Variants in PITPNA observed in about 807,000 individuals in gnomAD.
The protein encoded by PITPNA is phosphatidylinositol transfer protein alpha isoform.
A neutral mutation model predicts 50.3 loss-of-function variants in PITPNA; 13 were observed. The observed-to-expected ratio is 0.26, with a 90% confidence interval of 0.17 to 0.41. The LOEUF (loss-of-function observed/expected upper bound fraction) is 0.41, where lower values mean the gene tolerates loss of function less well. Among genes scored for constraint, PITPNA ranks in the 10% least tolerant of loss-of-function variants. The pLI is 1.00. For missense variants in PITPNA, 207 were observed against 333.4 expected, an observed-to-expected ratio of 0.62 and a Z score of 2.95; for synonymous variants, 120 against 119.6, an observed-to-expected ratio of 1.00 and a Z score of -0.02.
rs117216853 is a variant in PITPNA at position 1,521,393 on chromosome 17, A to G, written c.*22+186T>C. 3.7e-4 allele frequency among the ~76,000 whole-genome samples: 56 copies of G among 152,188 alleles called. No individual in the cohort carries two copies. In the East Asian group the frequency reaches 9.5e-3, roughly 26 times the overall value. On this transcript the variant is annotated intron_variant, in intron 11 of 11. Transcript: ENST00000313486. ...CTCTATCTGGGTGGTTCTTTGGAAA[A>G]TGTCCCTGAAATGTCCCAAGGGCCA...
chr17:1,530,558 A>G (rs1214613772), intron 10 of PITPNA, among the ~76,000 whole-genome samples: 1 of 152,204 alleles, frequency 6.6e-6, no homozygotes, highest in African/African-American at 2.4e-5. Context: ...TCACTCACAA[A>G]CAAAATCTGC....
chr17:1,529,227 A>G (rs2075567107), intron 10 of PITPNA, among the ~76,000 whole-genome samples: 4 of 150,156 alleles, frequency 2.7e-5, no homozygotes, highest in Admixed American at 2.0e-4. Flanking sequence ...TGCAGCTCCT[A>G]TGAAAGTTTT....
intron 6 of PITPNA, among the ~76,000 whole-genome samples, chr17:1,539,443 C>T (rs1182451866): frequency 5.3e-5 from 8 of 151,012 alleles, no homozygotes; most frequent in Admixed American, 2.0e-4. Context: ...CCCTAGTGAT[C>T]CTCCTGTCAC....
chr17:1,558,927 G>A (rs2075754300), intron 1 of PITPNA, among the ~76,000 whole-genome samples: 1 of 151,964 alleles, frequency 6.6e-6, no homozygotes, highest in African/African-American at 2.4e-5. Context: ...TTCGGAACTG[G>A]ACATATGGAT....
chr17:1,556,218 C>T (rs769610714), intron 2 of PITPNA, among the ~76,000 whole-genome samples: 3 of 152,214 alleles, frequency 2.0e-5, no homozygotes, highest in Middle Eastern at 3.2e-3. Flanking sequence ...TTCGACCCTA[C>T]CCAGGCCACG....
chr17:1,522,037 T>A (rs2075516643), intron 10 of PITPNA, among the ~76,000 whole-genome samples: 1 of 151,872 alleles, frequency 6.6e-6, no homozygotes. Context: ...CCCGTTTCAT[T>A]CATTTATTCA....
chr17:1,532,288 C>T (rs1468656654), intron 10 of PITPNA, among the ~76,000 whole-genome samples: 1 of 152,078 alleles, frequency 6.6e-6, no homozygotes, highest in African/African-American at 2.4e-5. Flanking sequence ...AGGGTTTCAC[C>T]ATGTTGGCCA....
At position 1,552,996 on chromosome 17, in the gene PITPNA, C is replaced by G; in HGVS notation, c.197+8G>C. The G allele has an allele frequency of 6.2e-7, 1 of 1,613,828 alleles. No individual in the cohort carries two copies. The highest frequency in any genetic ancestry group is 8.5e-7 in the Non-Finnish European group (1 of 1,179,794). On this transcript the variant is annotated splice_region_variant and intron_variant, in intron 3 of 11. Transcript: ENST00000313486. ...CCAGCATCCGGCCCCGCTGCTCATG[C>G]CGCATACCTCTGCAGGTGGTAGATC... is the stretch of plus-strand genomic sequence containing the variant.
At position 1,541,870 on chromosome 17, in the gene PITPNA, G is replaced by A. The variant is rs930774289; in HGVS notation, c.298-230C>T. ...TCTGTAGAATCACCCTCATTTTACA[G>A]ATGAGGTTCAAAGAGGTTAGGTGAC... On this transcript the variant is annotated intron_variant, in intron 5 of 11. Transcript: ENST00000313486. 6.4e-6 allele frequency: 4 copies of A among 627,376 alleles called. No individual in the cohort carries two copies. The African/African-American group carries it at 7.3e-5, about 11-fold the overall frequency. 38.9% of individuals were successfully genotyped at this position (627,376 alleles called of 1,614,324 possible). A position where few individuals can be genotyped will look rare whatever the true frequency, so the allele number is the denominator to read the frequency against.
chr17:1,521,754 G>C, intron 10 of PITPNA, 109 bp from the exon 11 acceptor site: 1 of 840,570 alleles, frequency 1.2e-6, no homozygotes, highest in Non-Finnish European at 2.0e-6. Context: ...TAAAAAGCAA[G>C]ACACTGGAAG....
chr17:1,520,375 A>G lies in PITPNA; in HGVS notation c.*186T>C, dbSNP rs1430901741. 6.6e-6 allele frequency: 1 copy of G among 152,644 alleles called. No homozygotes were observed. Among genetic ancestry groups the G allele is most frequent in the Non-Finnish European group, 1.5e-5 (1 of 68,046 alleles). 9.5% of individuals were successfully genotyped at this position (152,644 alleles called of 1,614,324 possible). A position where few individuals can be genotyped will look rare whatever the true frequency, so the allele number is the denominator to read the frequency against. ...CTGCACACGCGGGCTCTGTGACACC[A>G]GACGGTCTATTTGTTCACAATACTG... On this transcript the variant is annotated 3_prime_UTR_variant, in exon 12 of 12. Coordinates refer to ENST00000313486, the MANE Select transcript of PITPNA (RefSeq NM_006224.4).
chr17:1,531,469 G>A (rs1365206928), intron 10 of PITPNA, among the ~76,000 whole-genome samples: 1 of 152,174 alleles, frequency 6.6e-6, no homozygotes. Context: ...GGTGGAGCTT[G>A]CAGTGAGCCG....
chr17:1,561,947 C>A (rs1207782394), intron 1 of PITPNA, among the ~76,000 whole-genome samples: 1 of 152,206 alleles, frequency 6.6e-6, no homozygotes, highest in East Asian at 1.9e-4. Flanking sequence ...GGAGGCCCTG[C>A]CTGCCCCGGT....
intron 11 of PITPNA, among the ~76,000 whole-genome samples, chr17:1,521,198 G>A (rs1248564738): frequency 6.6e-6 from 1 of 152,212 alleles, no homozygotes; most frequent in African/African-American, 2.4e-5. Context: ...TTTTCCAAGG[G>A]GGAAGGGCAG....
intron 10 of PITPNA, among the ~76,000 whole-genome samples, chr17:1,523,450 T>C (rs1004375554): frequency 1.3e-5 from 2 of 149,784 alleles, no homozygotes; most frequent in Non-Finnish European, 1.5e-5. Flanking sequence ...CAAGTGATCC[T>C]CCTGCCTCAG....
At chr17:1,555,155 G>T (rs2075728996) in intron 2 of PITPNA, among the ~76,000 whole-genome samples, 1 of 152,194 alleles carries the variant, frequency 6.6e-6, no homozygotes, top group Non-Finnish European at 1.5e-5. Context: ...CCAGCTAGTG[G>T]TACCACTTGG....
At chr17:1,539,502 G>T (rs2075637187) in intron 6 of PITPNA, among the ~76,000 whole-genome samples, 1 of 150,412 alleles carries the variant, frequency 6.6e-6, no homozygotes, top group African/African-American at 2.5e-5. Flanking sequence ...TCAGTCTCCT[G>T]CCTGGGCCTG....
At position 1,562,365 on chromosome 17, in the gene PITPNA, G is replaced by A. The variant is rs1320523116; in HGVS notation, c.20+176C>T. Among the ~76,000 whole-genome samples the A allele has an allele frequency of 1.9e-5, 2 of 103,284 alleles. No individual in the cohort carries two copies. Among genetic ancestry groups the A allele is most frequent in the South Asian group, 6.6e-4 (2 of 3,022 alleles). 67.8% of individuals were successfully genotyped at this position (103,284 alleles called of 152,430 possible). On this transcript the variant is annotated intron_variant, in intron 1 of 11. Coordinates refer to ENST00000313486, the MANE Select transcript of PITPNA (RefSeq NM_006224.4). The surrounding 1 kb of genome is among the most constrained non-coding windows in gnomAD (Gnocchi z 6.4). Reference sequence around the variant, plus strand: ...CGCCCCTCCGTGCCCCGTGGGCCCCGCCTCACGTGCCGCCCGCCCCGGATC... The same window carrying A: ...CGCCCCTCCGTGCCCCGTGGGCCCCACCTCACGTGCCGCCCGCCCCGGATC...
chr17:1,540,960 G>A (rs1173126066), intron 6 of PITPNA, among the ~76,000 whole-genome samples: 3 of 152,194 alleles, frequency 2.0e-5, no homozygotes, highest in African/African-American at 7.2e-5. Context: ...GTGTGGTGGT[G>A]CAGTCACAGC....
Sources: gnomAD v4.1 joint callset for allele counts (sites outside exome capture counted in the v4.1 genomes callset) on GRCh38, gnomAD v4.1.1 for gene constraint, Gnocchi (gnomAD v3.1) non-coding constraint, MANE v1.5 for transcripts, NCBI Gene and HGNC (gene_info 2026-07-23, HGNC 2026-07-21) for gene names.